The following SCFD2 variants were observed in gnomAD, a reference collection of about 807,000 sequenced individuals.
The protein encoded by SCFD2 is sec1 family domain containing 2, also known as sec1 family domain-containing protein 2.
SCFD2 carries 54 observed loss-of-function variants against 58.9 expected under a neutral mutation model. The observed-to-expected ratio is 0.92, with a 90% confidence interval of 0.74 to 1.15. The LOEUF is 1.15. Ranked by LOEUF, SCFD2 falls within the 50% of genes most tolerant of loss-of-function variation. SCFD2 has a pLI of 0.00. For synonymous variants in SCFD2, 321 were observed against 335.9 expected (o/e 0.96, Z 0.49); for missense variants, 805 against 836.6 (o/e 0.96, Z 0.47).
chr4:53,250,780 C>T (rs897701323), intron 4 of SCFD2, among the ~76,000 whole-genome samples: 17 of 152,126 alleles, frequency 1.1e-4, no homozygotes, highest in African/African-American at 3.9e-4. Context: ...TAAATGCCCA[C>T]AAGAGAAAGC....
At chr4:53,000,481 G>A (rs1015095131) in intron 5 of SCFD2, among the ~76,000 whole-genome samples, 24 of 152,160 alleles carry the variant, frequency 1.6e-4, no homozygotes, top group Admixed American at 1.4e-3. Flanking sequence ...TACTATCTGT[G>A]TGGCTCCATG....
chr4:53,116,679 C>T (rs1345164969), intron 5 of SCFD2, among the ~76,000 whole-genome samples: 2 of 152,190 alleles, frequency 1.3e-5, no homozygotes, highest in Non-Finnish European at 2.9e-5. Flanking sequence ...ATACCTGAAG[C>T]TGGATGGCCT....
intron 5 of SCFD2, chr4:52,957,647 C>CA (rs754629942): frequency 1.3e-5 from 2 of 152,204 alleles, no homozygotes; most frequent in Non-Finnish European, 2.9e-5. Context: ...CCAGGTCCCA[C>CA]AACCAGAGAA....
intron 6 of SCFD2, among the ~76,000 whole-genome samples, chr4:52,917,061 C>T (rs973817952): frequency 1.2e-4 from 19 of 152,142 alleles, no homozygotes; most frequent in African/African-American, 4.3e-4. Context: ...CCACACCCAC[C>T]TAATTTTTTT....
At chr4:53,042,614 T>A (rs1447812047) in intron 5 of SCFD2, among the ~76,000 whole-genome samples, 1 of 152,166 alleles carries the variant, frequency 6.6e-6, no homozygotes, top group Non-Finnish European at 1.5e-5. Context: ...AAAATGTACA[T>A]GGAGGATCTG....
chr4:52,987,895 G>A (rs564992825), intron 5 of SCFD2, among the ~76,000 whole-genome samples: 1 of 152,160 alleles, frequency 6.6e-6, no homozygotes, highest in Non-Finnish European at 1.5e-5. Flanking sequence ...CCCCCATGTG[G>A]AGGAACTGCA....
At chr4:53,243,710 G>T (rs1729974197) in intron 4 of SCFD2, among the ~76,000 whole-genome samples, 1 of 151,268 alleles carries the variant, frequency 6.6e-6, no homozygotes, top group African/African-American at 2.4e-5. Flanking sequence ...AAAAAAGAGA[G>T]AAAAAAAAGA....
At chr4:53,052,781 G>A (rs1464069459) in intron 5 of SCFD2, among the ~76,000 whole-genome samples, 2 of 152,154 alleles carry the variant, frequency 1.3e-5, no homozygotes, top group Non-Finnish European at 2.9e-5. Context: ...GACCCTAAAG[G>A]TATCTCCATA....
rs187268503 is a variant in SCFD2 at position 53,234,513 on chromosome 4, T to C, written c.1311+39313A>G. The stretch of plus-strand genomic sequence containing the variant: ...TTGTCAATTAAATAAAAGTGTCTAA[T>C]CATATGAATGTCTGAGGAGCCAACA... On this transcript the variant is annotated intron_variant, in intron 4 of 8. Coordinates refer to ENST00000401642, the MANE Select transcript of SCFD2 (RefSeq NM_152540.4). 2.7e-3 allele frequency among the ~76,000 whole-genome samples: 414 copies of C among 152,346 alleles called. 2 individuals are homozygous for C. Among genetic ancestry groups the C allele is most frequent in the Admixed American group, 4.6e-3 (70 of 15,300 alleles).
chr4:52,952,382 G>A (rs1396341070), intron 5 of SCFD2, among the ~76,000 whole-genome samples: 1 of 151,672 alleles, frequency 6.6e-6, no homozygotes, highest in African/African-American at 2.4e-5. Flanking sequence ...AAAGGCAGCT[G>A]CCCTCCTCTC....
At chr4:52,883,594 T>C (rs1019474342) in intron 8 of SCFD2, among the ~76,000 whole-genome samples, 22 of 152,204 alleles carry the variant, frequency 1.4e-4, no homozygotes, top group Non-Finnish European at 3.1e-4. Flanking sequence ...TTTGAAAACG[T>C]CTGCATTTTA....
intron 1 of SCFD2, among the ~76,000 whole-genome samples, chr4:53,355,905 G>A (rs755892233): frequency 9.2e-5 from 14 of 152,068 alleles, no homozygotes; most frequent in Non-Finnish European, 5.9e-5. Context: ...TTCAAATGTC[G>A]CATCCTCTCA....
intron 5 of SCFD2, among the ~76,000 whole-genome samples, chr4:53,145,009 G>A (rs1412037795): frequency 3.3e-5 from 5 of 152,186 alleles, no homozygotes; most frequent in Non-Finnish European, 7.3e-5. Context: ...ATTCTCATAG[G>A]AGTGTGAACC....
In SCFD2 at chr4:52,874,001, T is replaced by C. The variant is rs766645323; in HGVS notation, c.2023A>G (p.Thr675Ala). 13 of 1,614,098 alleles carry C rather than the reference T, an allele frequency of 8.1e-6. No individual in the cohort carries two copies. In the Admixed American group the frequency reaches 1.2e-4, roughly 14 times the overall value. ...CCAAGGTCTGGATGCAGTCGGTCAG[T>C]TGCAAATAACAGCTCAGGAATGTTA... Reference protein sequence around the residue: ...PLNIPELLFATDRLHPDLGF With the variant: ...PLNIPELLFAADRLHPDLGF Residue 675 changes from threonine (T) to alanine (A), a missense_variant, in exon 9 of 9, where the codon ACT (threonine) becomes GCT (alanine). Transcript: ENST00000401642.
chr4:53,362,207 C>T (rs1316300413), intron 1 of SCFD2, among the ~76,000 whole-genome samples: 2 of 152,006 alleles, frequency 1.3e-5, no homozygotes, highest in African/African-American at 4.8e-5. Context: ...ATGGATACCT[C>T]GAAGAAGAAC....
At chr4:52,887,594 G>C (rs1026016089) in intron 7 of SCFD2, among the ~76,000 whole-genome samples, 4 of 152,190 alleles carry the variant, frequency 2.6e-5, no homozygotes, top group African/African-American at 7.2e-5. Flanking sequence ...GCGGGACAGG[G>C]AGGCCCAGCC....
At chr4:53,279,789 A>C (rs904887575) in intron 3 of SCFD2, among the ~76,000 whole-genome samples, 19 of 152,174 alleles carry the variant, frequency 1.2e-4, no homozygotes, top group African/African-American at 4.6e-4. Context: ...GCAGAAGGGG[A>C]AGCAAACATG....
chr4:53,159,034 A>C (rs575786964), intron 4 of SCFD2, among the ~76,000 whole-genome samples: 20 of 152,286 alleles, frequency 1.3e-4, no homozygotes, highest in African/African-American at 4.6e-4. Flanking sequence ...ATCTATTCAT[A>C]TCTAGCTTTC....
chr4:53,153,292 G>C lies in SCFD2; in HGVS notation c.1312-7710C>G, dbSNP rs372678722. Among the ~76,000 whole-genome samples, 16 of 152,322 alleles carry C rather than the reference G, an allele frequency of 1.1e-4. No individual in the cohort carries two copies. The South Asian group carries it at 3.3e-3, about 32-fold the overall frequency. ...TTTCCAATACATCTTCTGAAATCTA[G>C]GGGGAAGCTGCCAAGCCTGCTTCAC... On this transcript the variant is annotated intron_variant, in intron 4 of 8. Transcript: ENST00000401642.
Sources: allele counts gnomAD v4.1 joint callset (sites outside exome capture counted in the v4.1 genomes callset), GRCh38; gene constraint gnomAD v4.1.1; transcripts MANE v1.5; gene names NCBI Gene and HGNC (gene_info 2026-07-23, HGNC 2026-07-21).